Variants in AP3D1 observed in about 807,000 individuals in gnomAD.
AP3D1 encodes the protein AP-3 complex subunit delta-1.
AP3D1 carries 51 observed loss-of-function variants against 147.6 expected under a neutral mutation model. The observed-to-expected ratio is 0.35, with a 90% confidence interval of 0.28 to 0.44. AP3D1 has a LOEUF of 0.44. Ranked by LOEUF, AP3D1 falls within the 20% of genes least tolerant of loss-of-function variation. AP3D1 has a pLI of 1.00. For missense variants in AP3D1, 1,421 were observed against 1,624.2 expected (o/e 0.87, Z 2.15); for synonymous variants, 760 against 663.0 (o/e 1.15, Z -2.25).
In AP3D1 at chr19:2,110,262, C is replaced by T. The variant is rs376837540; in HGVS notation, c.3176-38G>A. The T allele has an allele frequency of 1.3e-5, 20 of 1,580,394 alleles. No homozygotes were observed. In the Middle Eastern group the frequency reaches 6.7e-4, roughly 53 times the overall value. ...AGAGGGAGTGGGGCCTGAGACGCTG[C>T]GGGGGCTCAGCATGGGTGGGGCCTC... On this transcript the variant is annotated intron_variant, in intron 27 of 31. Coordinates refer to ENST00000643116, the MANE Select transcript of AP3D1 (RefSeq NM_001261826.3).
In AP3D1 at chr19:2,101,031, A is replaced by C. The variant is rs1174487270; in HGVS notation, c.*1142T>G. On this transcript the variant is annotated 3_prime_UTR_variant, in exon 32 of 32. Coordinates refer to ENST00000643116, the MANE Select transcript of AP3D1 (RefSeq NM_001261826.3). The stretch of plus-strand genomic sequence containing the variant: ...AACTTTATTGGATCATCTTGACACA[A>C]AATCATGACAGCAGCGTGATATGTC... The C allele has an allele frequency of 6.6e-6, 1 of 152,476 alleles. No homozygotes were observed. The highest frequency in any genetic ancestry group is 6.5e-5 in the Admixed American group (1 of 15,284). 9.4% of individuals were successfully genotyped at this position (152,476 alleles called of 1,614,324 possible).
At chr19:2,145,471 C>T (rs1414994893) in intron 1 of AP3D1, among the ~76,000 whole-genome samples, 2 of 152,188 alleles carry the variant, frequency 1.3e-5, no homozygotes, top group African/African-American at 4.8e-5. Context: ...GTGGTTGCCA[C>T]GACTTGCAGA....
In AP3D1 at chr19:2,101,784, G is replaced by C. The variant is rs2144972854; in HGVS notation, c.*389C>G. On this transcript the variant is annotated 3_prime_UTR_variant, in exon 32 of 32. Coordinates refer to ENST00000643116, the MANE Select transcript of AP3D1 (RefSeq NM_001261826.3). The stretch of plus-strand genomic sequence containing the variant: ...GTCAAAAGCAGGCGACCCCAGAGGA[G>C]GCCACGTCAGCCCCGCCCTGTCCAC... The C allele has an allele frequency of 5.4e-6, 1 of 185,208 alleles. No homozygotes were observed. Among genetic ancestry groups the C allele is most frequent in the Non-Finnish European group, 1.1e-5 (1 of 88,500 alleles). 11.5% of individuals were successfully genotyped at this position (185,208 alleles called of 1,614,324 possible).
At chr19:2,107,437 G>T (rs2144999914) in intron 31 of AP3D1, among the ~76,000 whole-genome samples, 1 of 151,892 alleles carries the variant, frequency 6.6e-6, no homozygotes, top group African/African-American at 2.4e-5. Context: ...AGAAAAATTG[G>T]TTGTTTGAAA....
chr19:2,141,887 T>G (rs1438991822), intron 1 of AP3D1, among the ~76,000 whole-genome samples: 1 of 151,536 alleles, frequency 6.6e-6, no homozygotes, highest in Non-Finnish European at 1.5e-5. Flanking sequence ...ATAGCTGGGA[T>G]TACAGGGCCA....
intron 27 of AP3D1, 66 bp from the exon 28 acceptor site, chr19:2,110,290 G>T: frequency 3.6e-6 from 5 of 1,392,636 alleles, no homozygotes; most frequent in Middle Eastern, 2.5e-4. Flanking sequence ...GGGGCCTCCA[G>T]GTCTGTCCTC....
intron 1 of AP3D1, among the ~76,000 whole-genome samples, chr19:2,141,351 G>A (rs4807204): frequency 0.07 from 10,608 of 151,272 alleles, 657 homozygotes; most frequent in East Asian, 0.16. Context: ...CACAGGGTGC[G>A]TATTTCCTTT....
chr19:2,114,297 A>G lies in AP3D1; in HGVS notation c.2429T>C (p.Leu810Ser). ...AATAGGCAGTTTCTCGCTGTCGGCT[A>G]AGGGCCTGGAGGAGGAATGACCGGG... ...RALDIDLDKP[L>S]ADSEKLPIQK... is the part of the protein sequence containing the mutation. The change falls in exon 22 of 32, where the codon TTA (leucine) becomes TCA (serine). Residue 810 changes from leucine to serine, a missense_variant. Physicochemically the swap from Leu to Ser is moderately radical, Grantham distance 145 (BLOSUM62 -2). Coordinates refer to ENST00000643116, the MANE Select transcript of AP3D1 (RefSeq NM_001261826.3). 6.2e-7 allele frequency: 1 copy of G among 1,611,172 alleles called. No homozygotes were observed.
chr19:2,122,825 A>C (rs1387052088), intron 11 of AP3D1, among the ~76,000 whole-genome samples: 1 of 152,176 alleles, frequency 6.6e-6, no homozygotes, highest in Non-Finnish European at 1.5e-5. Flanking sequence ...CTCTCAACAA[A>C]AAGACCTGGC....
At chr19:2,106,020 C>T (rs559198410) in intron 31 of AP3D1, among the ~76,000 whole-genome samples, 1 of 152,100 alleles carries the variant, frequency 6.6e-6, no homozygotes, top group South Asian at 2.1e-4. Flanking sequence ...TCGCTTGAAC[C>T]CGGGAGGAGC....
At chr19:2,155,637 C>T (rs1012314624), upstream of AP3D1, among the ~76,000 whole-genome samples, 4 of 152,000 alleles carry the variant, frequency 2.6e-5, no homozygotes, top group Non-Finnish European at 5.9e-5. Context: ...TTCTACCTAG[C>T]ATTTTGTTTA....
chr19:2,134,938 G>A (rs888015702), intron 4 of AP3D1, among the ~76,000 whole-genome samples: 1 of 151,894 alleles, frequency 6.6e-6, no homozygotes, highest in Non-Finnish European at 1.5e-5. Flanking sequence ...CAAGCCAGGC[G>A]CAGTAATCCC....
At chr19:2,160,166 G>A (rs1158547672) in intron 1 of AP3D1, among the ~76,000 whole-genome samples, 1 of 152,168 alleles carries the variant, frequency 6.6e-6, no homozygotes, top group South Asian at 2.1e-4. Flanking sequence ...TTTTGCAAAG[G>A]CAGTTTCAAA....
intron 9 of AP3D1, among the ~76,000 whole-genome samples, chr19:2,125,570 C>T (rs1447087939): frequency 6.6e-6 from 1 of 152,172 alleles, no homozygotes; most frequent in Non-Finnish European, 1.5e-5. Context: ...CCACCTGCCT[C>T]GGCCTCCCAA....
At chr19:2,149,461 T>C (rs1196872328) in intron 1 of AP3D1, among the ~76,000 whole-genome samples, 1 of 151,202 alleles carries the variant, frequency 6.6e-6, no homozygotes, top group Admixed American at 6.6e-5. Context: ...GAGAATCGCT[T>C]GAACCTGGGA....
chr19:2,108,184 A>G (rs979718454), intron 31 of AP3D1, among the ~76,000 whole-genome samples: 4 of 152,230 alleles, frequency 2.6e-5, no homozygotes, highest in Non-Finnish European at 4.4e-5. Context: ...CAAAGAAGCC[A>G]CCAGAAAAGA....
chr19:2,123,085 C>A (rs2018655068), intron 11 of AP3D1, among the ~76,000 whole-genome samples: 1 of 152,244 alleles, frequency 6.6e-6, no homozygotes, highest in Admixed American at 6.5e-5. Flanking sequence ...GCCAGGATCT[C>A]CCCAGTGGGG....
chr19:2,164,443 C>T (rs979384686), exon 1 of AP3D1: 1 of 401,602 alleles, frequency 2.5e-6, no homozygotes, highest in Non-Finnish European at 4.1e-6. Context: ...GCGGCTGTTT[C>T]CCGCAGGGTG....
rs755839514 is a variant in AP3D1, at chr19:2,109,234, G to A, written c.3351-27C>T. On this transcript the variant is annotated intron_variant, in intron 29 of 31. Transcript: ENST00000643116. ...TGTGGGAGGGACAGGGAGGCTGACT[G>A]CGGTGGGGCCGGGCTCCTCAGGCTT... 13 of 1,555,324 alleles carry A rather than the reference G, an allele frequency of 8.4e-6. No homozygotes were observed. The South Asian group carries it at 1.6e-4, about 19-fold the overall frequency.
Sources: allele counts gnomAD v4.1 joint callset (sites outside exome capture counted in the v4.1 genomes callset), GRCh38; gene constraint gnomAD v4.1.1; transcripts MANE v1.5; gene names NCBI Gene and HGNC (gene_info 2026-07-23, HGNC 2026-07-21).